Variants in HTR3B observed in about 807,000 individuals in gnomAD.
HTR3B encodes the protein 5-hydroxytryptamine receptor 3B.
In HTR3B, 44 loss-of-function variants were observed where a neutral mutation model predicts 42.8. The ratio of observed to expected loss-of-function variants is 1.03; its 90% CI spans 0.81 to 1.32. The LOEUF is 1.32. Ranked by LOEUF, HTR3B falls within the 40% of genes most tolerant of loss-of-function variation. HTR3B has a pLI of 0.00. For synonymous variants in HTR3B, 203 were observed against 209.0 expected (o/e 0.97, Z 0.25); for missense variants, 527 against 536.5 (o/e 0.98, Z 0.17).
rs1362859465 is a variant in HTR3B, at chr11:113,944,578, T to G, written c.913T>G (p.Phe305Val). The G allele has an allele frequency of 6.2e-7, 1 of 1,613,866 alleles. No individual in the cohort carries two copies. The highest frequency in any genetic ancestry group is 8.5e-7 in the Non-Finnish European group (1 of 1,179,842). ...CCTCTTCTGGCTTCTCTCAGGGCAC[T>G]TCTTCACCATCTGCATGGCCTTCTT... is the stretch of plus-strand genomic sequence containing the variant. Reference protein sequence around the residue: ...SVGSTPLIGHFFTICMAFLVL... With the variant: ...SVGSTPLIGHVFTICMAFLVL... The change falls in exon 8 of 9, where the codon TTC (phenylalanine) becomes GTC (valine). Residue 305 changes from phenylalanine (F) to valine (V), a missense_variant. Physicochemically the swap from Phe to Val is conservative, Grantham distance 50. Coordinates refer to ENST00000260191, the MANE Select transcript of HTR3B (RefSeq NM_006028.5).
intron 6 of HTR3B, among the ~76,000 whole-genome samples, chr11:113,942,306 T>A (rs1950142426): frequency 6.6e-6 from 1 of 151,732 alleles, no homozygotes. Flanking sequence ...CTACTAAAAA[T>A]ACAAAAAATA....
chr11:113,923,636 A>G (rs1052368236), intron 2 of HTR3B, among the ~76,000 whole-genome samples: 1 of 152,226 alleles, frequency 6.6e-6, no homozygotes, highest in African/African-American at 2.4e-5. Flanking sequence ...TCCCTCTGTT[A>G]GGAAGACTAA....
At chr11:113,944,825 T>C in intron 8 of HTR3B, 70 bp downstream of exon 8, 3 of 1,482,448 alleles carry the variant, frequency 2.0e-6, no homozygotes, top group Non-Finnish European at 1.9e-6. Flanking sequence ...CCGTTGATGA[T>C]GTACTAGGTA....
At chr11:113,930,314 G>C (rs1209148085) in intron 2 of HTR3B, among the ~76,000 whole-genome samples, 1 of 151,836 alleles carries the variant, frequency 6.6e-6, no homozygotes, top group Non-Finnish European at 1.5e-5. Context: ...TCTTTTAAGA[G>C]TTTTATAGTT....
At position 113,943,197 on chromosome 11, in the gene HTR3B, G is replaced by A. The variant is rs760047207; in HGVS notation, c.907+5G>A. The A allele has an allele frequency of 3.7e-6, 6 of 1,607,520 alleles. No individual in the cohort carries two copies. Among genetic ancestry groups the A allele is most frequent in the Non-Finnish European group, 5.1e-6 (6 of 1,175,820 alleles). ...TAGGGAGCACCCCTCTGATTGGTAAGCAGCCTCGGGGTCACTGGACACTCA... is the reference window on the plus strand; with the variant it reads ...TAGGGAGCACCCCTCTGATTGGTAAACAGCCTCGGGGTCACTGGACACTCA... On this transcript the variant is annotated splice_donor_5th_base_variant and intron_variant, in intron 7 of 8. Coordinates refer to ENST00000260191, the MANE Select transcript of HTR3B (RefSeq NM_006028.5).
intron 2 of HTR3B, among the ~76,000 whole-genome samples, chr11:113,926,783 C>G (rs931660885): frequency 5.3e-5 from 8 of 152,168 alleles, no homozygotes; most frequent in African/African-American, 1.7e-4. Flanking sequence ...CCTGCCTCAG[C>G]CTTCCAAAGT....
chr11:113,945,549 T>G (rs1188367717), intron 8 of HTR3B, among the ~76,000 whole-genome samples: 1 of 152,244 alleles, frequency 6.6e-6, no homozygotes, highest in African/African-American at 2.4e-5. Context: ...AAGGAGCTTG[T>G]GTACATTTAG....
chr11:113,934,302 G>C (rs1477166005), intron 6 of HTR3B, among the ~76,000 whole-genome samples: 2 of 151,892 alleles, frequency 1.3e-5, no homozygotes, highest in African/African-American at 2.4e-5. Context: ...GTTGCAGTGA[G>C]CCAAGATCAT....
intron 6 of HTR3B, among the ~76,000 whole-genome samples, chr11:113,936,131 T>C (rs1481146679): frequency 2.0e-5 from 3 of 152,056 alleles, no homozygotes; most frequent in African/African-American, 2.4e-5. Context: ...CAATATATTA[T>C]TGGAGGTGCT....
chr11:113,929,043 G>T (rs1007365632), intron 2 of HTR3B, among the ~76,000 whole-genome samples: 3 of 152,170 alleles, frequency 2.0e-5, no homozygotes, highest in Admixed American at 6.5e-5. Flanking sequence ...AAGTGGAATT[G>T]CTGGATTATA....
At chr11:113,914,294 GTCTC>G (rs1949830748) in intron 2 of HTR3B, among the ~76,000 whole-genome samples, 1 of 151,284 alleles carries the variant, frequency 6.6e-6, no homozygotes, top group South Asian at 2.1e-4. Context: ...GAGAAACCCC[GTCTC>G]TACTAAAAAT....
At chr11:113,922,381 A>G (rs1167504540) in intron 2 of HTR3B, among the ~76,000 whole-genome samples, 1 of 151,568 alleles carries the variant, frequency 6.6e-6, no homozygotes, top group Non-Finnish European at 1.5e-5. Context: ...CTATAGGTGT[A>G]TACCACCATA....
chr11:113,934,271 G>A (rs1193704427), intron 6 of HTR3B, among the ~76,000 whole-genome samples: 4 of 151,902 alleles, frequency 2.6e-5, no homozygotes, highest in South Asian at 2.1e-4. Flanking sequence ...CATGAGAATC[G>A]CTTGAAGCCG....
chr11:113,941,102 TA>T (rs1950131605), intron 6 of HTR3B, among the ~76,000 whole-genome samples: 1 of 152,192 alleles, frequency 6.6e-6, no homozygotes, highest in Non-Finnish European at 1.5e-5. Flanking sequence ...AATCACACCA[TA>T]TGTGTGAAAG....
chr11:113,904,983 C>A lies in HTR3B; in HGVS notation c.50C>A (p.Ala17Glu). 2 of 1,608,720 alleles carry A rather than the reference C, an allele frequency of 1.2e-6. No individual in the cohort carries two copies. The highest frequency in any genetic ancestry group is 1.7e-6 in the Non-Finnish European group (2 of 1,175,244). Residue 17 changes from alanine (A) to glutamate (E), a missense_variant and splice_region_variant, in exon 1 of 9, where the codon GCA becomes GAA. Physicochemically the swap from Ala to Glu is moderately radical, Grantham distance 107. Coordinates refer to ENST00000260191, the MANE Select transcript of HTR3B (RefSeq NM_006028.5). Reference protein sequence around the residue: ...APLWACILVAAGILATDTHHP... With the variant: ...APLWACILVAEGILATDTHHP... The stretch of plus-strand genomic sequence containing the variant: ...CTGTGGGCCTGCATCCTGGTGGCTG[C>A]AGGTGAGTCCTTTTAATAATTTTAC...
chr11:113,900,577 T>C (rs1343542881), upstream of HTR3B, among the ~76,000 whole-genome samples: 1 of 152,130 alleles, frequency 6.6e-6, no homozygotes, highest in Admixed American at 6.5e-5. Context: ...CACTGCAACC[T>C]CTGCCTTCTG....
At chr11:113,914,937 GT>G (rs1227736087) in intron 2 of HTR3B, among the ~76,000 whole-genome samples, 8 of 152,054 alleles carry the variant, frequency 5.3e-5, no homozygotes, top group Admixed American at 2.0e-4. Context: ...CACATATTCA[GT>G]TTTTTCTTGT....
At chr11:113,905,448 A>G (rs1258663722) in intron 1 of HTR3B, among the ~76,000 whole-genome samples, 1 of 152,208 alleles carries the variant, frequency 6.6e-6, no homozygotes, top group Non-Finnish European at 1.5e-5. Context: ...TATGTATATC[A>G]TTTTGGTATT....
intron 6 of HTR3B, among the ~76,000 whole-genome samples, chr11:113,942,352 T>C (rs1229369980): frequency 1.3e-5 from 2 of 152,160 alleles, no homozygotes; most frequent in African/African-American, 2.4e-5. Flanking sequence ...TAGTCCCAGC[T>C]ACCTGAGAGG....
Sources: gnomAD v4.1 joint callset for allele counts (sites outside exome capture counted in the v4.1 genomes callset) on GRCh38, gnomAD v4.1.1 for gene constraint, MANE v1.5 for transcripts, NCBI Gene and HGNC (gene_info 2026-07-23, HGNC 2026-07-21) for gene names.